FBXL2: variants seen among roughly 807,000 people sequenced by gnomAD.
FBXL2 encodes the protein F-box and leucine rich repeat protein 2, also known as F-box/LRR-repeat protein 2.
In FBXL2, 38 loss-of-function variants were observed where a neutral mutation model predicts 69.2. That is an observed-to-expected ratio of 0.55 (90% CI 0.42 to 0.72). The LOEUF is 0.72. FBXL2 is among the 30% of genes least tolerant of loss of function. FBXL2 has a pLI of 0.00. For missense variants in FBXL2, 354 were observed against 520.3 expected, an observed-to-expected ratio of 0.68 and a Z score of 3.11; for synonymous variants, 192 against 201.3, an observed-to-expected ratio of 0.95 and a Z score of 0.39.
intron 2 of FBXL2, among the ~76,000 whole-genome samples, chr3:33,312,950 G>A (rs1273576636): frequency 1.3e-5 from 2 of 151,732 alleles, no homozygotes; most frequent in African/African-American, 4.8e-5. Context: ...AGGAAACCCC[G>A]TCTCTACTGA....
At chr3:33,306,836 G>A (rs562509212) in intron 2 of FBXL2, among the ~76,000 whole-genome samples, 2 of 152,106 alleles carry the variant, frequency 1.3e-5, no homozygotes, top group East Asian at 1.9e-4. Flanking sequence ...TGCTAGTGTC[G>A]ATGCTTATTG....
At chr3:33,301,728 T>G (rs1263861251) in intron 2 of FBXL2, among the ~76,000 whole-genome samples, 1 of 152,214 alleles carries the variant, frequency 6.6e-6, no homozygotes, top group Admixed American at 6.5e-5. Flanking sequence ...GCTTTTAGTA[T>G]TATTCTTCCT....
At chr3:33,394,996 T>G (rs1438397806) in intron 12 of FBXL2, among the ~76,000 whole-genome samples, 2 of 152,140 alleles carry the variant, frequency 1.3e-5, no homozygotes, top group Non-Finnish European at 2.9e-5. Flanking sequence ...GTTTGCTGAT[T>G]ATGGGAAAAT....
At chr3:33,351,715 G>A (rs966434251) in intron 2 of FBXL2, among the ~76,000 whole-genome samples, 3 of 152,200 alleles carry the variant, frequency 2.0e-5, no homozygotes, top group East Asian at 1.9e-4. Flanking sequence ...AAATGGTACC[G>A]CCAGTTTAGA....
chr3:33,391,300 G>A (rs1285983125), downstream of FBXL2: 1 of 152,208 alleles, frequency 6.6e-6, no homozygotes, highest in Non-Finnish European at 1.5e-5. Context: ...TAGCTCACCT[G>A]ACTTTTAAAA....
chr3:33,394,248 T>C (rs552212688), intron 12 of FBXL2, among the ~76,000 whole-genome samples: 7 of 150,756 alleles, frequency 4.6e-5, no homozygotes, highest in Admixed American at 1.3e-4. Context: ...GGTTTCACCA[T>C]GTTGCCCAAG....
At chr3:33,379,680 CCAAAAA>C (rs893158201) in intron 13 of FBXL2, among the ~76,000 whole-genome samples, 3 of 143,270 alleles carry the variant, frequency 2.1e-5, no homozygotes, top group Non-Finnish European at 4.6e-5. Context: ...AAAAATTGTA[CCAAAAA>C]AAAAACAAAA....
At chr3:33,367,688 TTC>T (rs2042043724) in intron 5 of FBXL2, among the ~76,000 whole-genome samples, 1 of 152,118 alleles carries the variant, frequency 6.6e-6, no homozygotes, top group Non-Finnish European at 1.5e-5. Context: ...TTCATTGTTT[TTC>T]TGTTTTCTAC....
chr3:33,325,818 T>G (rs1351254779), intron 2 of FBXL2, among the ~76,000 whole-genome samples: 1 of 152,208 alleles, frequency 6.6e-6, no homozygotes. Flanking sequence ...CCTTTATTCA[T>G]GAATTAGTAA....
chr3:33,379,495 C>T (rs1247559020), intron 13 of FBXL2, among the ~76,000 whole-genome samples: 1 of 151,304 alleles, frequency 6.6e-6, no homozygotes, highest in Non-Finnish European at 1.5e-5. Context: ...GCTGGGATTA[C>T]AGGCGTGCAC....
intron 2 of FBXL2, among the ~76,000 whole-genome samples, chr3:33,300,732 G>A (rs1489267567): frequency 2.1e-5 from 3 of 144,540 alleles, no homozygotes; most frequent in African/African-American, 5.2e-5. Context: ...TTTTTGAGAC[G>A]GAGTCTCGCT....
intron 2 of FBXL2, among the ~76,000 whole-genome samples, chr3:33,312,144 C>T (rs2037265083): frequency 6.6e-6 from 1 of 152,118 alleles, no homozygotes; most frequent in African/African-American, 2.4e-5. Context: ...ACAGCCTCGA[C>T]TTCCTGAGCT....
chr3:33,367,606 C>T (rs2042038181), intron 5 of FBXL2, among the ~76,000 whole-genome samples: 1 of 150,686 alleles, frequency 6.6e-6, no homozygotes, highest in African/African-American at 2.4e-5. Flanking sequence ...TGGTCCTCGT[C>T]AGTCTGGCTA....
At chr3:33,309,502 A>G (rs776240329) in intron 2 of FBXL2, among the ~76,000 whole-genome samples, 11 of 152,030 alleles carry the variant, frequency 7.2e-5, no homozygotes, top group Non-Finnish European at 1.5e-4. Context: ...GTATTCTTGC[A>G]GATAAAGTGG....
the FBXL2 span, among the ~76,000 whole-genome samples, chr3:33,421,733 G>A: frequency 1.3e-5 from 2 of 152,332 alleles, no homozygotes. Context: ...GCATTACATA[G>A]TGGCAAATAT....
At chr3:33,330,453 TAAC>T (rs2039060491) in intron 2 of FBXL2, among the ~76,000 whole-genome samples, 1 of 152,146 alleles carries the variant, frequency 6.6e-6, no homozygotes, top group Admixed American at 6.6e-5. Flanking sequence ...TGACTATAGT[TAAC>T]AATAATCTAT....
At chr3:33,398,333 C>T (rs144224963) in intron 12 of FBXL2, 2 of 152,272 alleles carry the variant, frequency 1.3e-5, no homozygotes, top group African/African-American at 4.8e-5. Context: ...AGCACATCTC[C>T]CATGAGACAT....
At chr3:33,323,453 C>T (rs921866674) in intron 2 of FBXL2, among the ~76,000 whole-genome samples, 8 of 152,116 alleles carry the variant, frequency 5.3e-5, no homozygotes, top group Non-Finnish European at 1.2e-4. Flanking sequence ...AATGATATCC[C>T]TCCCCTTCCC....
At position 33,373,096 on chromosome 3, in the gene FBXL2, T is replaced by C. The variant is rs765345129; in HGVS notation, c.295T>C (p.Phe99Leu). The change falls in exon 6 of 15, where the codon TTT becomes CTT. Residue 99 changes from phenylalanine (F) to leucine (L), a missense_variant. Coordinates refer to ENST00000484457, the MANE Select transcript of FBXL2 (RefSeq NM_012157.5). ...IGVGDSSLKT[F>L]AQNCRNIEHL... ...TAAAATGTTTTCTCATTTTAGGACC[T>C]TTGCACAGAACTGCCGAAACATTGA... is the stretch of plus-strand genomic sequence containing the variant. The C allele has an allele frequency of 6.2e-7, 1 of 1,614,158 alleles. No individual in the cohort carries two copies. Among genetic ancestry groups the C allele is most frequent in the East Asian group, 2.2e-5 (1 of 44,892 alleles).
Sources: allele counts gnomAD v4.1 joint callset (sites outside exome capture counted in the v4.1 genomes callset), GRCh38; gene constraint gnomAD v4.1.1; transcripts MANE v1.5; gene names NCBI Gene and HGNC (gene_info 2026-07-23, HGNC 2026-07-21).